The following NALCN variants were observed in gnomAD, a reference collection of about 807,000 sequenced individuals.
The protein encoded by NALCN is sodium leak channel, non-selective.
A neutral mutation model predicts 225.3 loss-of-function variants in NALCN; 111 were observed. That is an observed-to-expected ratio of 0.49 (90% CI 0.42 to 0.58). The LOEUF (loss-of-function observed/expected upper bound fraction) is 0.58. Ranked by LOEUF, NALCN falls within the 20% of genes least tolerant of loss-of-function variation. NALCN has a pLI of 0.00. For missense variants in NALCN, 1,378 were observed against 2,202.4 expected (o/e 0.63, Z 7.49); for synonymous variants, 764 against 769.0 (o/e 0.99, Z 0.11).
rs151256300 is a variant in NALCN at position 101,346,655 on chromosome 13, C to T, written c.645-1235G>A. Among the ~76,000 whole-genome samples the T allele has an allele frequency of 6.3e-3, 952 of 152,104 alleles. 6 individuals are homozygous for T. Among genetic ancestry groups the T allele is most frequent in the Non-Finnish European group, 8.1e-3 (554 of 67,984 alleles). On this transcript the variant is annotated intron_variant, in intron 6 of 43. Coordinates refer to ENST00000251127, the MANE Select transcript of NALCN (RefSeq NM_052867.4). ...GGATAATGACATAACCCATTTTTATCCTTCTTAAGAATAGGTTGGATATCA... is the reference window on the plus strand; with the variant it reads ...GGATAATGACATAACCCATTTTTATTCTTCTTAAGAATAGGTTGGATATCA...
At chr13:101,107,448 G>A in intron 22 of NALCN, 39 bp downstream of exon 22, 1 of 1,612,984 alleles carries the variant, frequency 6.2e-7, no homozygotes, top group Non-Finnish European at 8.5e-7. Flanking sequence ...TGTTTGCATG[G>A]CTCAGGCCAA....
chr13:101,272,202 ACTGT>A (rs1157450551), intron 10 of NALCN, among the ~76,000 whole-genome samples: 1 of 148,508 alleles, frequency 6.7e-6, no homozygotes, highest in Non-Finnish European at 1.5e-5. Flanking sequence ...TGTGTTTTTG[ACTGT>A]GTGTCTCTGC....
At chr13:101,249,837 C>T (rs2042010096) in intron 11 of NALCN, among the ~76,000 whole-genome samples, 1 of 152,046 alleles carries the variant, frequency 6.6e-6, no homozygotes, top group African/African-American at 2.4e-5. Flanking sequence ...GAAAAACACC[C>T]AGCATGTCCA....
intron 20 of NALCN, 59 bp downstream of exon 20, chr13:101,110,560 C>T: frequency 1.9e-6 from 3 of 1,563,166 alleles, no homozygotes; most frequent in Non-Finnish European, 2.6e-6. Flanking sequence ...TCTAAGCAGT[C>T]ATTTAAATAC....
chr13:101,127,355 C>G (rs181478401), intron 17 of NALCN, among the ~76,000 whole-genome samples: 100 of 152,122 alleles, frequency 6.6e-4, no homozygotes, highest in African/African-American at 2.1e-3. Context: ...TTGGGATGTT[C>G]TTTTGTTTTG....
chr13:101,100,852 C>T lies in NALCN; in HGVS notation c.3094G>A (p.Ala1032Thr). 1 of 1,610,032 alleles carries T rather than the reference C, an allele frequency of 6.2e-7. No individual in the cohort carries two copies. Among genetic ancestry groups the T allele is most frequent in the Non-Finnish European group, 8.5e-7 (1 of 1,178,364 alleles). Residue 1032 changes from alanine (A) to threonine (T), a missense_variant, in exon 27 of 44, where the codon GCA becomes ACA. Coordinates refer to ENST00000251127, the MANE Select transcript of NALCN (RefSeq NM_052867.4). ...GCAAAAAGCTGAACTCCAAAGCTTG[C>T]AAAAACGAGCATTAATGTCAGCAAA... ...ILLLTLMLVF[A>T]SFGVQLFAGK...
chr13:101,345,901 T>C (rs2045711453), intron 6 of NALCN, among the ~76,000 whole-genome samples: 1 of 136,424 alleles, frequency 7.3e-6, no homozygotes, highest in Non-Finnish European at 1.6e-5. Flanking sequence ...CTTTGAAATA[T>C]AGAGTCAGTT....
chr13:101,278,877 C>T (rs2043053116), intron 10 of NALCN, among the ~76,000 whole-genome samples: 1 of 152,188 alleles, frequency 6.6e-6, no homozygotes. Context: ...ACAGTCTATT[C>T]AATTTCTAGT....
At chr13:101,058,889 G>A (rs2031590946) in intron 42 of NALCN, 1 of 152,270 alleles carries the variant, frequency 6.6e-6, no homozygotes, top group Non-Finnish European at 1.5e-5. Context: ...CTCCGCAGAA[G>A]TCCCTGCAGT....
intron 18 of NALCN, chr13:101,116,547 C>A: frequency 1.9e-6 from 1 of 516,122 alleles, no homozygotes; most frequent in Middle Eastern, 3.2e-4. Context: ...TCCATGTCTT[C>A]TTTCTTAATG....
At chr13:101,056,169 G>C (rs1031117742) in intron 43 of NALCN, among the ~76,000 whole-genome samples, 1 of 148,574 alleles carries the variant, frequency 6.7e-6, no homozygotes, top group Admixed American at 6.7e-5. Flanking sequence ...CTCAAACTCA[G>C]CCTGACCCCA....
intron 17 of NALCN, among the ~76,000 whole-genome samples, chr13:101,137,903 C>T (rs1247741101): frequency 6.6e-6 from 1 of 152,206 alleles, no homozygotes; most frequent in Non-Finnish European, 1.5e-5. Flanking sequence ...TTGATTCTCA[C>T]AACAAACCTT....
chr13:101,309,123 A>G (rs762786726), intron 7 of NALCN, among the ~76,000 whole-genome samples: 7 of 152,190 alleles, frequency 4.6e-5, no homozygotes, highest in Non-Finnish European at 2.9e-5. Context: ...AAGAAAAAGC[A>G]TTATACTTTA....
chr13:101,160,208 C>G lies in NALCN; in HGVS notation c.1840-15312G>C, dbSNP rs577784720. 5.3e-4 allele frequency among the ~76,000 whole-genome samples: 80 copies of G among 152,276 alleles called. 1 individual carries two copies. Among genetic ancestry groups the G allele is most frequent in the African/African-American group, 1.9e-3 (78 of 41,528 alleles). On this transcript the variant is annotated intron_variant, in intron 15 of 43. Coordinates refer to ENST00000251127, the MANE Select transcript of NALCN (RefSeq NM_052867.4). ...TGACCTTGTGATCTGCCCGCCTTGG[C>G]CTCCCAAAGGAGAGAGAAGTTTTCA...
intron 15 of NALCN, among the ~76,000 whole-genome samples, chr13:101,164,234 A>C (rs1238810201): frequency 1.3e-5 from 2 of 151,972 alleles, no homozygotes; most frequent in Non-Finnish European, 2.9e-5. Context: ...TGACTTTTTG[A>C]ATCTCCCACC....
chr13:101,272,947 A>G (rs2042845281), intron 10 of NALCN, among the ~76,000 whole-genome samples: 1 of 152,232 alleles, frequency 6.6e-6, no homozygotes, highest in Admixed American at 6.5e-5. Context: ...AAGAGCATTA[A>G]AACACTGAAG....
chr13:101,113,272 G>A (rs535013226), intron 18 of NALCN, among the ~76,000 whole-genome samples: 4 of 152,200 alleles, frequency 2.6e-5, no homozygotes, highest in Non-Finnish European at 4.4e-5. Context: ...TAAACCTGAG[G>A]TTGGACGGTG....
At chr13:101,310,673 T>C (rs560877945) in intron 7 of NALCN, among the ~76,000 whole-genome samples, 7 of 152,294 alleles carry the variant, frequency 4.6e-5, no homozygotes, top group South Asian at 4.1e-4. Context: ...GTCAACTCCA[T>C]GAAAGCAAGG....
intron 10 of NALCN, among the ~76,000 whole-genome samples, chr13:101,264,052 G>C (rs746571731): frequency 6.6e-6 from 1 of 151,998 alleles, no homozygotes; most frequent in Non-Finnish European, 1.5e-5. Flanking sequence ...AAATGTTAAA[G>C]CTGAGTCAGT....
Sources: allele counts gnomAD v4.1 joint callset (sites outside exome capture counted in the v4.1 genomes callset), GRCh38; gene constraint gnomAD v4.1.1; transcripts MANE v1.5; gene names NCBI Gene and HGNC (gene_info 2026-07-23, HGNC 2026-07-21).